The following STK26 variants were observed in gnomAD, a reference collection of about 807,000 sequenced individuals.
STK26 encodes serine/threonine-protein kinase 26.
STK26 carries 14 observed loss-of-function variants against 34.7 expected under a neutral mutation model. The ratio of observed to expected loss-of-function variants is 0.40; its 90% CI spans 0.27 to 0.63. The LOEUF is 0.63. STK26 is among the 30% of genes least tolerant of loss of function. The pLI is 0.38. For synonymous variants in STK26, 100 were observed against 109.8 expected (o/e 0.91, Z 0.56); for missense variants, 226 against 309.1 (o/e 0.73, Z 2.02).
chrX:132,067,997 T>C (rs1193285648), intron 4 of STK26, among the ~76,000 whole-genome samples: 1 of 111,794 alleles, frequency 8.9e-6, no homozygotes, highest in African/African-American at 3.3e-5. Context: ...TTTCATTAAA[T>C]TGAATCATTA....
chrX:132,030,882 C>G (rs1379247728), intron 2 of STK26, among the ~76,000 whole-genome samples: 1 of 111,082 alleles, frequency 9.0e-6, no homozygotes, highest in African/African-American at 3.3e-5. Flanking sequence ...TTGACCCCTT[C>G]TTTTTTTCTT....
At chrX:132,060,902 G>T (rs901076363) in intron 3 of STK26, among the ~76,000 whole-genome samples, 7 of 110,955 alleles carry the variant, frequency 6.3e-5, no homozygotes, top group African/African-American at 2.3e-4. Context: ...CAGGCGTGTT[G>T]TGCAGCCCTC....
chrX:132,060,114 T>C (rs151148132), intron 3 of STK26, among the ~76,000 whole-genome samples: 30 of 112,347 alleles, frequency 2.7e-4, no homozygotes, highest in African/African-American at 8.7e-4. Context: ...CTATGTGTAT[T>C]CCTCTTCTTT....
At chrX:132,040,829 A>G (rs1926238072) in intron 2 of STK26, among the ~76,000 whole-genome samples, 1 of 111,916 alleles carries the variant, frequency 8.9e-6, no homozygotes, top group Non-Finnish European at 1.9e-5. Flanking sequence ...AAATTATTAG[A>G]TCATAGCATA....
intron 4 of STK26, among the ~76,000 whole-genome samples, chrX:132,067,856 C>CT (rs1283422893): frequency 4.5e-5 from 5 of 111,451 alleles, no homozygotes; most frequent in East Asian, 2.8e-4. Context: ...GCTGATTTCT[C>CT]TTTTTTTCCA....
At chrX:132,061,309 C>G (rs2124180487) in intron 3 of STK26, among the ~76,000 whole-genome samples, 1 of 112,023 alleles carries the variant, frequency 8.9e-6, no homozygotes, top group South Asian at 3.7e-4. Flanking sequence ...CCACTTTTTT[C>G]TTCTCTTGAA....
intron 6 of STK26, 124 bp downstream of exon 6, chrX:132,068,693 T>C (rs1401117399): frequency 2.6e-6 from 2 of 769,789 alleles, no homozygotes; most frequent in Non-Finnish European, 3.6e-6. Context: ...TAGAGTTATG[T>C]CATATTTTGC....
chrX:132,033,414 G>A (rs1027652132), intron 2 of STK26, among the ~76,000 whole-genome samples: 5 of 112,195 alleles, frequency 4.5e-5, no homozygotes, highest in African/African-American at 1.6e-4. Context: ...TGGTTAAAGA[G>A]ACTAAAGTCA....
At chrX:132,039,892 T>G (rs568307559) in intron 2 of STK26, among the ~76,000 whole-genome samples, 3 of 111,641 alleles carry the variant, frequency 2.7e-5, no homozygotes, top group African/African-American at 9.7e-5. Flanking sequence ...CCAGAATTCC[T>G]CATCTGAACC....
chrX:132,056,308 C>T (rs182232295), intron 3 of STK26, among the ~76,000 whole-genome samples: 1 of 111,995 alleles, frequency 8.9e-6, no homozygotes, highest in Non-Finnish European at 1.9e-5. Context: ...TGTGAAAAGA[C>T]CTTCTTCCTC....
intron 2 of STK26, among the ~76,000 whole-genome samples, chrX:132,034,497 A>G (rs1356134583): frequency 9.3e-6 from 1 of 107,954 alleles, no homozygotes; most frequent in Non-Finnish European, 1.9e-5. Context: ...TAGTAGAGAC[A>G]GGGTTTCACT....
chrX:132,071,060 T>C lies in STK26; in HGVS notation c.784-9T>C, dbSNP rs571427246. The C allele has an allele frequency of 4.0e-4, 479 of 1,200,003 alleles. No individual in the cohort carries two copies. In the South Asian group the frequency reaches 8.3e-3, roughly 21 times the overall value. ...TTGTCATATGCAGCCTTGATCTTTT[T>C]ATCCTTAGCGTCCTACAGCAAAAGA... On this transcript the variant is annotated splice_polypyrimidine_tract_variant and intron_variant, in intron 7 of 11. Transcript: ENST00000394334.
At chrX:132,046,001 C>T (rs1475816313) in intron 2 of STK26, among the ~76,000 whole-genome samples, 1 of 111,802 alleles carries the variant, frequency 8.9e-6, no homozygotes, top group Non-Finnish European at 1.9e-5. Context: ...TTGGTTCTTG[C>T]TTGAGGATTT....
Position 132,074,206 on chromosome X carries a change from C to T in STK26, c.*47C>T. On this transcript the variant is annotated 3_prime_UTR_variant, in exon 12 of 12. Transcript: ENST00000394334. ...TTTCATATGGACCCAGAGAGCCCCACCAAACCTACGTCAAGATTAACAATG... is the reference window on the plus strand; with the variant it reads ...TTTCATATGGACCCAGAGAGCCCCATCAAACCTACGTCAAGATTAACAATG... The T allele has an allele frequency of 8.7e-7, 1 of 1,150,832 alleles. No homozygotes were observed. The highest frequency in any genetic ancestry group is 1.2e-6 in the Non-Finnish European group (1 of 850,257). 94.8% of individuals were successfully genotyped at this position (1,150,832 alleles called of 1,213,427 possible).
At chrX:132,061,521 C>T (rs1443277300) in intron 3 of STK26, among the ~76,000 whole-genome samples, 1 of 112,180 alleles carries the variant, frequency 8.9e-6, no homozygotes, top group African/African-American at 3.2e-5. Flanking sequence ...TGCTGGCCAT[C>T]TATGTCAGGA....
At position 132,073,028 on chromosome X, in the gene STK26, G is replaced by A; in HGVS notation, c.1161G>A (p.Val387=). ...AAGAACTCGAGAAAAGTATTGCTGT[G>A]GCTGAAGCCGCCTGTCCCGGCATCA... The part of the protein sequence containing the change: ...AIEELEKSIA[V]AEAACPGITD... Residue 387 remains valine, a synonymous_variant, in exon 11 of 12, where the codon GTG becomes GTA. Transcript: ENST00000394334. 8.3e-7 allele frequency: 1 copy of A among 1,209,922 alleles called. No homozygotes were observed. The highest frequency in any genetic ancestry group is 1.1e-6 in the Non-Finnish European group (1 of 894,312).
intron 3 of STK26, among the ~76,000 whole-genome samples, chrX:132,059,484 C>G (rs1235499470): frequency 8.9e-6 from 1 of 112,173 alleles, no homozygotes; most frequent in African/African-American, 3.2e-5. Flanking sequence ...AAAAACCAGA[C>G]AAACACATCA....
At chrX:132,070,828 C>A (rs1927390273) in intron 7 of STK26, among the ~76,000 whole-genome samples, 2 of 112,878 alleles carry the variant, frequency 1.8e-5, no homozygotes, top group Admixed American at 9.3e-5. Flanking sequence ...GTGGGTAAGC[C>A]ACCTGCTGCC....
chrX:132,039,872 C>A (rs1047197359), intron 2 of STK26, among the ~76,000 whole-genome samples: 1 of 111,342 alleles, frequency 9.0e-6, no homozygotes, highest in Non-Finnish European at 1.9e-5. Context: ...TTGAATGCAG[C>A]CTTTCTCAAC....
Sources: allele counts gnomAD v4.1 joint callset (sites outside exome capture counted in the v4.1 genomes callset), GRCh38; gene constraint gnomAD v4.1.1; transcripts MANE v1.5; gene names NCBI Gene and HGNC (gene_info 2026-07-23, HGNC 2026-07-21).